TMEM132B: variants seen among roughly 807,000 people sequenced by gnomAD.
The protein encoded by TMEM132B is transmembrane protein 132B.
A neutral mutation model predicts 90.8 loss-of-function variants in TMEM132B; 18 were observed. The observed-to-expected ratio is 0.20, with a 90% CI of 0.14 to 0.29. The LOEUF (loss-of-function observed/expected upper bound fraction) is 0.29. Among genes scored for constraint, TMEM132B ranks in the 10% least tolerant of loss-of-function variants. TMEM132B has a pLI of 1.00. For missense variants in TMEM132B, 1,096 were observed against 1,326.8 expected, an observed-to-expected ratio of 0.83 and a Z score of 2.70; for synonymous variants, 504 against 523.3, an observed-to-expected ratio of 0.96 and a Z score of 0.50.
chr12:125,622,831 T>C (rs901719477), intron 5 of TMEM132B, among the ~76,000 whole-genome samples: 2 of 152,186 alleles, frequency 1.3e-5, no homozygotes, highest in Admixed American at 1.3e-4. Flanking sequence ...TTTTATACCT[T>C]GAGTTCACAA....
intron 5 of TMEM132B, among the ~76,000 whole-genome samples, chr12:125,613,743 CAAT>C (rs893646371): frequency 2.0e-5 from 3 of 151,906 alleles, no homozygotes; most frequent in Non-Finnish European, 2.9e-5. Flanking sequence ...GTTATAAAGA[CAAT>C]AATGCATTAT....
At chr12:125,391,709 C>G (rs1446967281) in intron 2 of TMEM132B, among the ~76,000 whole-genome samples, 1 of 152,134 alleles carries the variant, frequency 6.6e-6, no homozygotes, top group East Asian at 1.9e-4. Flanking sequence ...CCTCCCAAAC[C>G]CTAAAAGAGA....
intron 7 of TMEM132B, among the ~76,000 whole-genome samples, chr12:125,651,961 T>C (rs1361499133): frequency 6.6e-6 from 1 of 152,200 alleles, no homozygotes; most frequent in African/African-American, 2.4e-5. Flanking sequence ...GATGGAGTCC[T>C]TCTCACACTG....
intron 1 of TMEM132B, among the ~76,000 whole-genome samples, chr12:125,217,467 G>A (rs1873463253): frequency 6.6e-6 from 1 of 152,212 alleles, no homozygotes; most frequent in African/African-American, 2.4e-5. Flanking sequence ...TTTGTTTTGA[G>A]ACAGGGTCTT....
intron 3 of TMEM132B, among the ~76,000 whole-genome samples, chr12:125,457,821 G>A (rs1320965644): frequency 6.6e-6 from 1 of 152,184 alleles, no homozygotes; most frequent in Non-Finnish European, 1.5e-5. Flanking sequence ...AGGTGTACCC[G>A]TCTAGGTGAA....
rs935414159 is a variant in TMEM132B, at chr12:125,498,778, C to T, written c.1107-20661C>T. Reference sequence around the variant, plus strand: ...TGTCCTTACAGAGGATACTGGTTAACGGTGTCTCTGGAGGTGACTTCCTAA... The same window carrying T: ...TGTCCTTACAGAGGATACTGGTTAATGGTGTCTCTGGAGGTGACTTCCTAA... On this transcript the variant is annotated intron_variant, in intron 3 of 8. Coordinates refer to ENST00000682704, the MANE Select transcript of TMEM132B (RefSeq NM_001366854.1). This position sits in a 1 kb window ranked among gnomAD's most constrained non-coding sequence, Gnocchi z 4.5. Among the ~76,000 whole-genome samples, 8 of 152,202 alleles carry T rather than the reference C, an allele frequency of 5.3e-5. No individual in the cohort carries two copies. Among genetic ancestry groups the T allele is most frequent in the Non-Finnish European group, 1.0e-4 (7 of 68,040 alleles).
Position 125,512,330 on chromosome 12 carries a change from A to G in TMEM132B, c.1107-7109A>G, listed in dbSNP as rs535200833. Among the ~76,000 whole-genome samples, 5 of 152,336 alleles carry G rather than the reference A, an allele frequency of 3.3e-5. No homozygotes were observed. The East Asian group carries it at 7.7e-4, about 23-fold the overall frequency. On this transcript the variant is annotated intron_variant, in intron 3 of 8. Coordinates refer to ENST00000682704, the MANE Select transcript of TMEM132B (RefSeq NM_001366854.1). The stretch of plus-strand genomic sequence containing the variant: ...AGGCAGAATTACTATTTTGGGGGGT[A>G]TAGATTCTCCATATTTAAAAATATC...
At chr12:125,347,147 T>C (rs889987575) in intron 1 of TMEM132B, among the ~76,000 whole-genome samples, 1 of 152,240 alleles carries the variant, frequency 6.6e-6, no homozygotes, top group East Asian at 1.9e-4. Flanking sequence ...GCTTTCTGAA[T>C]GTTAGCCGTG....
At chr12:125,465,851 G>T (rs1363286368) in intron 3 of TMEM132B, among the ~76,000 whole-genome samples, 1 of 152,028 alleles carries the variant, frequency 6.6e-6, no homozygotes, top group Non-Finnish European at 1.5e-5. Context: ...AAATTCTGGG[G>T]CCCCCTGCCT....
At chr12:125,293,807 TG>T (rs1345810169) in intron 1 of TMEM132B, among the ~76,000 whole-genome samples, 1 of 152,204 alleles carries the variant, frequency 6.6e-6, no homozygotes, top group Non-Finnish European at 1.5e-5. Flanking sequence ...TTGAGAGGTG[TG>T]GGGGTCTATG....
rs142653157 is a variant in TMEM132B at position 125,616,994 on chromosome 12, G to A, written c.1438-27082G>A. 3.9e-4 allele frequency among the ~76,000 whole-genome samples: 60 copies of A among 152,294 alleles called. 1 individual carries two copies. The highest frequency in any genetic ancestry group is 1.0e-3 in the African/African-American group (42 of 41,546). ...AACCAAGTCTGCTAGCATCTTTATCGTAGACTTCCCATCTTCCAGAACCAT... is the reference window on the plus strand; with the variant it reads ...AACCAAGTCTGCTAGCATCTTTATCATAGACTTCCCATCTTCCAGAACCAT... On this transcript the variant is annotated intron_variant, in intron 5 of 8. Coordinates refer to ENST00000682704, the MANE Select transcript of TMEM132B (RefSeq NM_001366854.1).
intron 3 of TMEM132B, among the ~76,000 whole-genome samples, chr12:125,463,831 G>A (rs1288129095): frequency 3.3e-5 from 5 of 152,148 alleles, no homozygotes; most frequent in African/African-American, 1.2e-4. Flanking sequence ...AAACAAAAGA[G>A]GTTTAATTGA....
intron 1 of TMEM132B, among the ~76,000 whole-genome samples, chr12:125,250,146 A>G (rs1185190235): frequency 6.6e-6 from 1 of 152,256 alleles, no homozygotes; most frequent in African/African-American, 2.4e-5. Context: ...GCGTCACAGC[A>G]GCTGGGCAAA....
chr12:125,588,743 G>A (rs1024366119), intron 5 of TMEM132B, among the ~76,000 whole-genome samples: 3 of 152,294 alleles, frequency 2.0e-5, no homozygotes, highest in African/African-American at 7.2e-5. Context: ...TTTAAAGGGA[G>A]TTTTGGGGGA....
At position 125,406,400 on chromosome 12, in the gene TMEM132B, C is replaced by T. The variant is rs1879479775; in HGVS notation, c.960-9131C>T. Among the ~76,000 whole-genome samples, 3 of 152,228 alleles carry T rather than the reference C, an allele frequency of 2.0e-5. No individual in the cohort carries two copies. Among genetic ancestry groups the T allele is most frequent in the Non-Finnish European group, 4.4e-5 (3 of 68,042 alleles). On this transcript the variant is annotated intron_variant, in intron 2 of 8. Transcript: ENST00000682704. This position sits in a 1 kb window ranked among gnomAD's most constrained non-coding sequence, Gnocchi z 8.3. ...CCTGGCTTCTAGAAGGGGCTTGAGA[C>T]ATTTCAGCATTTGTGAACAAGTTCT...
At chr12:125,395,181 A>T (rs1427597342) in intron 2 of TMEM132B, among the ~76,000 whole-genome samples, 2 of 152,218 alleles carry the variant, frequency 1.3e-5, no homozygotes, top group Admixed American at 1.3e-4. Context: ...TATCCAGTGC[A>T]TCAGGGTGAA....
In TMEM132B at chr12:125,186,534, G is replaced by A. The variant is rs887807134; in HGVS notation, c.-266G>A. 8.2e-4 allele frequency among the ~76,000 whole-genome samples: 120 copies of A among 146,692 alleles called. 5 individuals carry two copies. Among genetic ancestry groups the A allele is most frequent in the Admixed American group, 8.0e-3 (118 of 14,758 alleles). ...GGGCCGCGCAACTCGGGCCAACTGCGGGGCAGCCGGCCAGGGCGCGGGGCG... is the reference window on the plus strand; with the variant it reads ...GGGCCGCGCAACTCGGGCCAACTGCAGGGCAGCCGGCCAGGGCGCGGGGCG... On this transcript the variant is annotated 5_prime_UTR_variant, in exon 1 of 9. Coordinates refer to ENST00000682704, the MANE Select transcript of TMEM132B (RefSeq NM_001366854.1). This position sits in a 1 kb window ranked among gnomAD's most constrained non-coding sequence, Gnocchi z 6.3.
intron 4 of TMEM132B, among the ~76,000 whole-genome samples, chr12:125,550,696 A>G (rs17527505): frequency 0.13 from 19,358 of 152,222 alleles, 1,335 homozygotes; most frequent in South Asian, 0.18. Context: ...TAACAGCACA[A>G]CATTTCTTTT....
chr12:125,318,108 G>C (rs1215719900), intron 1 of TMEM132B, among the ~76,000 whole-genome samples: 1 of 152,152 alleles, frequency 6.6e-6, no homozygotes, highest in Non-Finnish European at 1.5e-5. Flanking sequence ...GAATCATAGA[G>C]TACAATGCTA....
Sources: allele counts gnomAD v4.1 joint callset (sites outside exome capture counted in the v4.1 genomes callset), GRCh38; gene constraint gnomAD v4.1.1; non-coding constraint Gnocchi (gnomAD v3.1); transcripts MANE v1.5; gene names NCBI Gene and HGNC (gene_info 2026-07-23, HGNC 2026-07-21).